Variants in SYT9 observed in about 807,000 individuals in gnomAD.
SYT9 encodes synaptotagmin 9.
SYT9 carries 22 observed loss-of-function variants against 48.4 expected under a neutral mutation model. The observed-to-expected ratio is 0.45, with a 90% CI of 0.32 to 0.65. SYT9 has a LOEUF of 0.65. SYT9 is among the 30% of genes least tolerant of loss of function. The pLI, the probability that SYT9 is intolerant of heterozygous loss-of-function variation, is 0.03. For synonymous variants in SYT9, 265 were observed against 245.0 expected (o/e 1.08, Z -0.76); for missense variants, 577 against 622.0 (o/e 0.93, Z 0.77).
intron 3 of SYT9, among the ~76,000 whole-genome samples, chr11:7,407,060 A>T (rs1029797122): frequency 2.0e-5 from 3 of 152,022 alleles, no homozygotes; most frequent in Admixed American, 6.6e-5. Flanking sequence ...GTTTTTAAAA[A>T]TTTTTTAGTT....
At chr11:7,251,132 A>ACC (rs1554895821), upstream of SYT9, among the ~76,000 whole-genome samples, 176 of 127,938 alleles carry the variant, frequency 1.4e-3, no homozygotes, top group South Asian at 5.7e-3. Context: ...ACACACACAC[A>ACC]CCCAGAGTAC....
chr11:7,248,302 T>A (rs2087217), upstream of SYT9, among the ~76,000 whole-genome samples: 44 of 152,252 alleles, frequency 2.9e-4, no homozygotes, highest in African/African-American at 9.9e-4. Context: ...TGTTTTTTTT[T>A]TCCTGTGCAA....
chr11:7,362,151 T>TA (rs1850149672), intron 3 of SYT9, among the ~76,000 whole-genome samples: 1 of 150,622 alleles, frequency 6.6e-6, no homozygotes, highest in African/African-American at 2.4e-5. Flanking sequence ...TATTTTTTTT[T>TA]TATTTTTTTT....
intron 6 of SYT9, among the ~76,000 whole-genome samples, chr11:7,449,618 A>G (rs1848006108): frequency 6.6e-6 from 1 of 152,092 alleles, no homozygotes; most frequent in Non-Finnish European, 1.5e-5. Context: ...GCAGGATATG[A>G]TGACAGTAGG....
At chr11:7,366,569 C>T (rs1444428297) in intron 3 of SYT9, among the ~76,000 whole-genome samples, 1 of 152,168 alleles carries the variant, frequency 6.6e-6, no homozygotes, top group Non-Finnish European at 1.5e-5. Flanking sequence ...TCCACATCTT[C>T]ATTTTAACTC....
In SYT9 at chr11:7,252,446, C is replaced by A; in HGVS notation, c.145+115C>A. The A allele has an allele frequency of 8.5e-7, 1 of 1,181,002 alleles. No individual in the cohort carries two copies. The highest frequency in any genetic ancestry group is 1.1e-6 in the Non-Finnish European group (1 of 911,858). The allele number at this position is 1,181,002 out of a possible 1,614,324, so 73.2% of individuals were successfully genotyped here. On this transcript the variant is annotated intron_variant, in intron 1 of 6. Coordinates refer to ENST00000318881, the MANE Select transcript of SYT9 (RefSeq NM_175733.4). This position sits in a 1 kb window ranked among gnomAD's most constrained non-coding sequence, Gnocchi z 6.3. ...GGACTGGGAGAGGGCGGGGGGCGGCCACCGAGCCAGGAGAGTGATCAAGAA... is the reference window on the plus strand; with the variant it reads ...GGACTGGGAGAGGGCGGGGGGCGGCAACCGAGCCAGGAGAGTGATCAAGAA...
chr11:7,429,215 C>G (rs1397104245), intron 6 of SYT9, among the ~76,000 whole-genome samples: 1 of 152,206 alleles, frequency 6.6e-6, no homozygotes, highest in African/African-American at 2.4e-5. Context: ...GGTGATGGTA[C>G]ATATGACAGT....
intron 1 of SYT9, among the ~76,000 whole-genome samples, chr11:7,290,000 T>G (rs1197789332): frequency 6.6e-6 from 1 of 152,240 alleles, no homozygotes; most frequent in Non-Finnish European, 1.5e-5. Context: ...ATACTAATAG[T>G]CGAAACCTGA....
chr11:7,253,474 A>C, intron 1 of SYT9, among the ~76,000 whole-genome samples: 1 of 152,238 alleles, frequency 6.6e-6, no homozygotes, highest in East Asian at 1.9e-4. Flanking sequence ...TGTCACACTG[A>C]GCCAGACTTA....
chr11:7,287,178 A>C (rs1296207138), intron 1 of SYT9, among the ~76,000 whole-genome samples: 1 of 152,196 alleles, frequency 6.6e-6, no homozygotes, highest in African/African-American at 2.4e-5. Context: ...TCATGGCAGA[A>C]GGGGAAGCAA....
intron 3 of SYT9, among the ~76,000 whole-genome samples, chr11:7,383,955 A>T (rs1850610852): frequency 6.6e-6 from 1 of 152,056 alleles, no homozygotes; most frequent in South Asian, 2.1e-4. Context: ...CTTTTTAAAT[A>T]TGCTTCCATA....
Position 7,275,108 on chromosome 11 carries a change from T to C in SYT9, c.145+22777T>C, listed in dbSNP as rs116041533. Among the ~76,000 whole-genome samples the C allele has an allele frequency of 4.6e-3, 696 of 152,060 alleles. 7 individuals carry two copies. Among genetic ancestry groups the C allele is most frequent in the African/African-American group, 0.016 (666 of 41,466 alleles). Reference sequence around the variant, plus strand: ...GACTGCACAGAGCCAGCTAGCAGAGTGTGCAGGGCCTCTGAGCCAGTTCTG... The same window carrying C: ...GACTGCACAGAGCCAGCTAGCAGAGCGTGCAGGGCCTCTGAGCCAGTTCTG... On this transcript the variant is annotated intron_variant, in intron 1 of 6. Coordinates refer to ENST00000318881, the MANE Select transcript of SYT9 (RefSeq NM_175733.4).
chr11:7,322,444 C>T (rs148291479), intron 3 of SYT9, among the ~76,000 whole-genome samples: 7 of 152,276 alleles, frequency 4.6e-5, no homozygotes, highest in African/African-American at 1.7e-4. Flanking sequence ...GTCTACTGAG[C>T]TGTATCTTTA....
chr11:7,425,878 C>A (rs911806568), intron 6 of SYT9, among the ~76,000 whole-genome samples: 2 of 152,084 alleles, frequency 1.3e-5, no homozygotes, highest in Non-Finnish European at 2.9e-5. Context: ...AGTCCAGCAT[C>A]GTGTCTCATG....
At position 7,466,945 on chromosome 11, in the gene SYT9, T is replaced by C. The variant is rs1300174998; in HGVS notation, c.*145T>C. 3.8e-6 allele frequency: 4 copies of C among 1,047,628 alleles called. No individual in the cohort carries two copies. The highest frequency in any genetic ancestry group is 5.7e-6 in the Non-Finnish European group (4 of 702,040). The allele number at this position is 1,047,628 out of a possible 1,614,324, so 64.9% of individuals were successfully genotyped here. A position where few individuals can be genotyped will look rare whatever the true frequency, so the allele number is the denominator to read the frequency against. ...GTAACCACAGCACTAACTGGCCTTC[T>C]TTCCAGATTGGGTTTGGTGAACCTG... On this transcript the variant is annotated 3_prime_UTR_variant, in exon 7 of 7. Transcript: ENST00000318881.
At chr11:7,452,982 A>T (rs926758590) in intron 6 of SYT9, among the ~76,000 whole-genome samples, 2 of 151,944 alleles carry the variant, frequency 1.3e-5, no homozygotes, top group East Asian at 3.9e-4. Context: ...GGGTTTCTTC[A>T]TGTTGGTCAG....
chr11:7,330,664 A>G (rs74660706), intron 3 of SYT9, among the ~76,000 whole-genome samples: 149 of 152,324 alleles, frequency 9.8e-4, no homozygotes, highest in African/African-American at 3.4e-3. Context: ...GATCTAAACT[A>G]TAGGTGTAGA....
chr11:7,315,186 A>C (rs1849220069), intron 3 of SYT9, among the ~76,000 whole-genome samples: 1 of 152,248 alleles, frequency 6.6e-6, no homozygotes, highest in African/African-American at 2.4e-5. Flanking sequence ...GCAGTTGATG[A>C]AACCAAGGTG....
rs868824773 is a variant in SYT9, at chr11:7,347,236, A to T, written c.1044+33295A>T. On this transcript the variant is annotated intron_variant, in intron 3 of 6. Transcript: ENST00000318881. ...GCTTTCAAACCGTTTTCATCAAAAT[A>T]TTTTTTTTTTTTGAGATGAAGTCTC... 4.7e-3 allele frequency among the ~76,000 whole-genome samples: 703 copies of T among 149,494 alleles called. 5 individuals are homozygous for T. Among genetic ancestry groups the T allele is most frequent in the African/African-American group, 0.016 (661 of 40,744 alleles).
Sources: allele counts gnomAD v4.1 joint callset (sites outside exome capture counted in the v4.1 genomes callset), GRCh38; gene constraint gnomAD v4.1.1; non-coding constraint Gnocchi (gnomAD v3.1); transcripts MANE v1.5; gene names NCBI Gene and HGNC (gene_info 2026-07-23, HGNC 2026-07-21).